The following ATP2B2 variants were observed in gnomAD, a reference collection of about 807,000 sequenced individuals.
ATP2B2 encodes the protein plasma membrane calcium-transporting ATPase 2.
In ATP2B2, 15 loss-of-function variants were observed where a neutral mutation model predicts 120.0. The ratio of observed to expected loss-of-function variants is 0.12; its 90% CI spans 0.08 to 0.19. The LOEUF (loss-of-function observed/expected upper bound fraction) is 0.19, where lower values mean the gene tolerates loss of function less well. Among genes scored for constraint, ATP2B2 ranks in the 10% least tolerant of loss-of-function variants. The pLI, the probability that ATP2B2 is intolerant of heterozygous loss-of-function variation, is 1.00. For synonymous variants in ATP2B2, 694 were observed against 700.3 expected (o/e 0.99, Z 0.14); for missense variants, 1,045 against 1,719.8 (o/e 0.61, Z 6.94).
intron 2 of ATP2B2, among the ~76,000 whole-genome samples, chr3:10,597,514 G>A (rs554176498): frequency 6.6e-6 from 1 of 152,252 alleles, no homozygotes; most frequent in East Asian, 1.9e-4. Flanking sequence ...AGGAAACCAC[G>A]AGCAGAGCTA....
At chr3:10,473,718 G>A (rs2065099767) in intron 1 of ATP2B2, among the ~76,000 whole-genome samples, 1 of 152,210 alleles carries the variant, frequency 6.6e-6, no homozygotes, top group Admixed American at 6.5e-5. Context: ...AAAGAGCTGG[G>A]GCAGTATGTT....
chr3:10,416,647 T>C (rs2062791581), intron 2 of ATP2B2, among the ~76,000 whole-genome samples: 1 of 152,270 alleles, frequency 6.6e-6, no homozygotes, highest in Non-Finnish European at 1.5e-5. Context: ...AGTGGTTCTC[T>C]TGGGGGCAAA....
At chr3:10,684,060 G>A (rs765263516) in intron 1 of ATP2B2, among the ~76,000 whole-genome samples, 13 of 152,034 alleles carry the variant, frequency 8.6e-5, no homozygotes, top group Non-Finnish European at 1.9e-4. Context: ...TGGGGCTTGA[G>A]TAAAACTGTC....
chr3:10,493,263 G>T (rs1399813931), intron 1 of ATP2B2, among the ~76,000 whole-genome samples: 1 of 152,142 alleles, frequency 6.6e-6, no homozygotes, highest in Non-Finnish European at 1.5e-5. Context: ...GGGTGGGGGA[G>T]CTCTTTTAAA....
At chr3:10,359,004 G>C in intron 13 of ATP2B2, 79 bp from the exon 14 acceptor site, 1 of 1,340,972 alleles carries the variant, frequency 7.5e-7, no homozygotes, top group Non-Finnish European at 1.0e-6. Context: ...CCCCACCCTC[G>C]TGATGCCCAG....
chr3:10,445,218 C>G (rs968823520), intron 2 of ATP2B2, among the ~76,000 whole-genome samples: 2 of 152,236 alleles, frequency 1.3e-5, no homozygotes, highest in African/African-American at 4.8e-5. Context: ...ATTTAATCCT[C>G]ACACCATTTG....
At chr3:10,499,455 G>A (rs552238488) in intron 1 of ATP2B2, among the ~76,000 whole-genome samples, 2 of 152,156 alleles carry the variant, frequency 1.3e-5, no homozygotes, top group African/African-American at 2.4e-5. Flanking sequence ...CCCCTCCCAC[G>A]CATTACATGG....
intron 11 of ATP2B2, among the ~76,000 whole-genome samples, chr3:10,372,716 T>C (rs1037877160): frequency 2.6e-5 from 4 of 152,244 alleles, no homozygotes; most frequent in African/African-American, 9.6e-5. Flanking sequence ...TAGGTACATC[T>C]TGTATATCAA....
intron 12 of ATP2B2, among the ~76,000 whole-genome samples, chr3:10,371,382 A>G (rs1443154557): frequency 6.6e-6 from 1 of 152,210 alleles, no homozygotes; most frequent in Non-Finnish European, 1.5e-5. Context: ...ATGAACCCCC[A>G]CAGATGCAGG....
intron 1 of ATP2B2, among the ~76,000 whole-genome samples, chr3:10,663,848 C>T (rs924048048): frequency 6.6e-6 from 1 of 152,184 alleles, no homozygotes; most frequent in Admixed American, 6.5e-5. Flanking sequence ...ACACCCATCT[C>T]TTTCAGAAGA....
intron 1 of ATP2B2, among the ~76,000 whole-genome samples, chr3:10,502,258 G>A (rs1342380648): frequency 6.6e-6 from 1 of 152,204 alleles, no homozygotes; most frequent in African/African-American, 2.4e-5. Context: ...ACACCTTCGT[G>A]CACAGCCCTC....
At chr3:10,331,712 A>ATTTTTTTTTTTTTT (rs34633808) in intron 22 of ATP2B2, among the ~76,000 whole-genome samples, 53 of 143,494 alleles carry the variant, frequency 3.7e-4, no homozygotes, top group African/African-American at 1.4e-3. Context: ...AAAGGTAGGA[A>ATTTTTTTTTTTTTT]TTTTTTTTTT....
At chr3:10,705,018 CTG>C (rs2071875316) in intron 1 of ATP2B2, among the ~76,000 whole-genome samples, 1 of 152,206 alleles carries the variant, frequency 6.6e-6, no homozygotes, top group Non-Finnish European at 1.5e-5. Context: ...CTTAGTGAAA[CTG>C]TTCTGCTGTT....
In ATP2B2 at chr3:10,346,117, T is replaced by A; in HGVS notation, c.2425A>T (p.Thr809Ser). The change falls in exon 17 of 23, where the codon ACT (threonine) becomes TCT (serine). Residue 809 changes from threonine (T) to serine (S), a missense_variant. Physicochemically the swap from Thr to Ser is moderately conservative, Grantham distance 58. Transcript: ENST00000360273. This position sits in a 1 kb window ranked among gnomAD's most constrained non-coding sequence, Gnocchi z 4.1. ...ACGGCCACCACCTGCCGCTGCTCAG[T>A]GTGTGTGCTGTCGATGATGCCTGTT... is the stretch of plus-strand genomic sequence containing the variant. ...LVKGIIDSTH[T>S]EQRQVVAVTG... The A allele has an allele frequency of 6.2e-7, 1 of 1,611,444 alleles. No homozygotes were observed. Among genetic ancestry groups the A allele is most frequent in the Non-Finnish European group, 8.5e-7 (1 of 1,179,938 alleles).
intron 2 of ATP2B2, among the ~76,000 whole-genome samples, chr3:10,435,764 G>A (rs2063461697): frequency 6.6e-6 from 1 of 152,120 alleles, no homozygotes; most frequent in African/African-American, 2.4e-5. Flanking sequence ...ACCTCTCCTG[G>A]CTGGGTCCTT....
At chr3:10,476,810 A>G (rs897452781) in intron 1 of ATP2B2, among the ~76,000 whole-genome samples, 1 of 152,218 alleles carries the variant, frequency 6.6e-6, no homozygotes, top group African/African-American at 2.4e-5. Flanking sequence ...GGTATGACAG[A>G]GCTGGGCAGA....
intron 2 of ATP2B2, among the ~76,000 whole-genome samples, chr3:10,568,807 A>G (rs749957670): frequency 1.3e-5 from 2 of 152,170 alleles, no homozygotes; most frequent in Non-Finnish European, 2.9e-5. Flanking sequence ...CACTGCTCAG[A>G]ATGCAGACAA....
Position 10,375,770 on chromosome 3 carries a change from C to T in ATP2B2, c.1202-126G>A. On this transcript the variant is annotated intron_variant, in intron 10 of 22. Transcript: ENST00000360273. This position sits in a 1 kb window ranked among gnomAD's most constrained non-coding sequence, Gnocchi z 4.2. ...CCCAGCTCACCTCCCAGCTCTGCCA[C>T]TCCTTGCTTTATGACCTGTGGCAAG... 1.2e-6 allele frequency: 1 copy of T among 820,748 alleles called. No homozygotes were observed. The highest frequency in any genetic ancestry group is 1.5e-5 in the South Asian group (1 of 65,380). 50.8% of individuals were successfully genotyped at this position (820,748 alleles called of 1,614,324 possible).
At chr3:10,654,779 T>TTA (rs1471452488) in intron 1 of ATP2B2, among the ~76,000 whole-genome samples, 1 of 143,468 alleles carries the variant, frequency 7.0e-6, no homozygotes, top group African/African-American at 2.6e-5. Context: ...GGGAAGCTGG[T>TTA]AAAAAAAAAA....
Sources: allele counts gnomAD v4.1 joint callset (sites outside exome capture counted in the v4.1 genomes callset), GRCh38; gene constraint gnomAD v4.1.1; non-coding constraint Gnocchi (gnomAD v3.1); transcripts MANE v1.5; gene names NCBI Gene and HGNC (gene_info 2026-07-23, HGNC 2026-07-21).